The following SYNPR variants were observed in gnomAD, a reference collection of about 807,000 sequenced individuals.
The protein encoded by SYNPR is synaptoporin.
Under a neutral mutation model 32.9 loss-of-function variants are expected in SYNPR, and 23 were observed. The observed-to-expected ratio is 0.70, with a 90% CI of 0.50 to 0.99. The LOEUF (loss-of-function observed/expected upper bound fraction) is 0.99, where lower values mean the gene tolerates loss of function less well. Among genes scored for constraint, SYNPR ranks in the 50% least tolerant of loss-of-function variants. The pLI, the probability that SYNPR is intolerant of heterozygous loss-of-function variation, is 0.00. For missense variants in SYNPR, 318 were observed against 349.3 expected, an observed-to-expected ratio of 0.91 and a Z score of 0.71; for synonymous variants, 146 against 135.9, an observed-to-expected ratio of 1.07 and a Z score of -0.52.
intron 4 of SYNPR, among the ~76,000 whole-genome samples, chr3:63,587,096 T>C (rs1026830230): frequency 6.6e-6 from 1 of 152,042 alleles, no homozygotes; most frequent in African/African-American, 2.4e-5. Context: ...AGAGTGATCC[T>C]ATTTTCAAAT....
intron 2 of SYNPR, among the ~76,000 whole-genome samples, chr3:63,439,923 C>T (rs1700139359): frequency 6.6e-6 from 1 of 152,176 alleles, no homozygotes; most frequent in Admixed American, 6.5e-5. Flanking sequence ...TTATTGAACA[C>T]CTACTATGTG....
chr3:63,339,662 C>CTT (rs34889673), intron 2 of SYNPR, among the ~76,000 whole-genome samples: 3,400 of 144,510 alleles, frequency 0.024, 92 homozygotes, highest in South Asian at 0.13. Context: ...TCCTTGTGTT[C>CTT]TTTTTTTTTT....
At chr3:63,211,446 A>G in the SYNPR span, among the ~76,000 whole-genome samples, 2 of 152,216 alleles carry the variant, frequency 1.3e-5, no homozygotes, top group Non-Finnish European at 2.9e-5. Flanking sequence ...TCAAGTTTAC[A>G]GTTTTTTGCA....
chr3:63,211,033 T>C, the SYNPR span, among the ~76,000 whole-genome samples: 4 of 152,140 alleles, frequency 2.6e-5, no homozygotes, highest in Admixed American at 2.6e-4. Context: ...TAACTAGATT[T>C]GTTTCTATAA....
intron 1 of SYNPR, among the ~76,000 whole-genome samples, chr3:63,237,652 G>A (rs1397114173): frequency 1.3e-5 from 2 of 152,022 alleles, no homozygotes; most frequent in Non-Finnish European, 2.9e-5. Flanking sequence ...TATGTTAGGG[G>A]ACTCAAGGTC....
chr3:63,588,718 C>T (rs1337805484), intron 4 of SYNPR, among the ~76,000 whole-genome samples: 1 of 152,076 alleles, frequency 6.6e-6, no homozygotes, highest in African/African-American at 2.4e-5. Flanking sequence ...TAGAAACACT[C>T]AACAACCCTC....
intron 2 of SYNPR, among the ~76,000 whole-genome samples, chr3:63,398,165 A>G (rs2088241797): frequency 6.6e-6 from 1 of 152,196 alleles, no homozygotes; most frequent in South Asian, 2.1e-4. Flanking sequence ...TCTTCTGTAA[A>G]TGAAGTCAAC....
At chr3:63,247,929 G>A (rs374588905) in intron 1 of SYNPR, among the ~76,000 whole-genome samples, 7 of 152,108 alleles carry the variant, frequency 4.6e-5, no homozygotes, top group Non-Finnish European at 1.5e-5. Flanking sequence ...AGGAACCCAG[G>A]TGATGCCTCA....
At chr3:63,509,105 T>C (rs1011023264) in intron 3 of SYNPR, among the ~76,000 whole-genome samples, 151 of 148,302 alleles carry the variant, frequency 1.0e-3, no homozygotes, top group Admixed American at 1.7e-3. Flanking sequence ...CCTTTCAGCA[T>C]ATATATATAT....
At chr3:63,499,681 T>C (rs904348755) in intron 3 of SYNPR, among the ~76,000 whole-genome samples, 1 of 150,774 alleles carries the variant, frequency 6.6e-6, no homozygotes, top group Non-Finnish European at 1.5e-5. Flanking sequence ...GGGAGGTGAG[T>C]TAATCCTAGA....
At chr3:63,484,938 T>G (rs1435454115) in intron 3 of SYNPR, among the ~76,000 whole-genome samples, 1 of 152,032 alleles carries the variant, frequency 6.6e-6, no homozygotes. Flanking sequence ...ATAAGTTGAA[T>G]AGGAAGAAGG....
At chr3:63,427,226 CTTT>C (rs761088258) in intron 2 of SYNPR, among the ~76,000 whole-genome samples, 1 of 140,992 alleles carries the variant, frequency 7.1e-6, no homozygotes, top group Non-Finnish European at 1.6e-5. Context: ...TTATTTACTG[CTTT>C]TTTTTTTTTT....
At chr3:63,238,059 G>T (rs2086212639) in intron 1 of SYNPR, among the ~76,000 whole-genome samples, 2 of 152,126 alleles carry the variant, frequency 1.3e-5, no homozygotes, top group South Asian at 4.1e-4. Flanking sequence ...GCTTTATCTT[G>T]TTAGGTCAGG....
At chr3:63,241,670 G>A (rs1425312816) in intron 1 of SYNPR, among the ~76,000 whole-genome samples, 1 of 152,038 alleles carries the variant, frequency 6.6e-6, no homozygotes, top group Admixed American at 6.6e-5. Flanking sequence ...ATAAGTGTAA[G>A]AGGAAAGCTA....
intron 2 of SYNPR, among the ~76,000 whole-genome samples, chr3:63,424,149 A>G (rs1699853131): frequency 6.6e-6 from 1 of 152,220 alleles, no homozygotes. Flanking sequence ...TAGTTCATTA[A>G]TTGTGTCAAA....
At chr3:63,595,745 A>ATATATATATATATATAATTT (rs1699931325) in intron 4 of SYNPR, among the ~76,000 whole-genome samples, 5 of 41,922 alleles carry the variant, frequency 1.2e-4, no homozygotes, top group Non-Finnish European at 1.1e-4. Context: ...ATATATATAT[A>ATATATATATATATATAATTT]TATATATATA....
At chr3:63,405,943 A>G (rs776520651) in intron 2 of SYNPR, among the ~76,000 whole-genome samples, 4 of 152,190 alleles carry the variant, frequency 2.6e-5, no homozygotes, top group Non-Finnish European at 5.9e-5. Flanking sequence ...ACACTCTGTC[A>G]TTGCTTCTCA....
intron 5 of SYNPR, among the ~76,000 whole-genome samples, chr3:63,613,750 A>T (rs1042467108): frequency 2.6e-5 from 4 of 151,966 alleles, no homozygotes; most frequent in African/African-American, 9.7e-5. Flanking sequence ...CTTTACACAC[A>T]TCCTCTTTAA....
chr3:63,509,559 C>A (rs1199661441), intron 3 of SYNPR, among the ~76,000 whole-genome samples: 1 of 151,844 alleles, frequency 6.6e-6, no homozygotes, highest in Non-Finnish European at 1.5e-5. Context: ...GAGTTGCTAA[C>A]TAAGGCTATT....
Sources: allele counts gnomAD v4.1 joint callset (sites outside exome capture counted in the v4.1 genomes callset), GRCh38; gene constraint gnomAD v4.1.1; transcripts MANE v1.5; gene names NCBI Gene and HGNC (gene_info 2026-07-23, HGNC 2026-07-21).